The following DPYS variants were observed in gnomAD, a reference collection of about 807,000 sequenced individuals.
DPYS encodes dihydropyrimidinase, also known as dihydropyrimidine amidohydrolase.
Under a neutral mutation model 50.3 loss-of-function variants are expected in DPYS, and 39 were observed. That is an observed-to-expected ratio of 0.78 (90% confidence interval 0.60 to 1.01). The LOEUF (loss-of-function observed/expected upper bound fraction) is 1.01, where lower values mean the gene tolerates loss of function less well. Ranked by LOEUF, DPYS falls within the 50% of genes least tolerant of loss-of-function variation. DPYS has a pLI of 0.00. For missense variants in DPYS, 659 were observed against 680.9 expected (o/e 0.97, Z 0.36); for synonymous variants, 245 against 250.7 (o/e 0.98, Z 0.22).
intron 7 of DPYS, among the ~76,000 whole-genome samples, chr8:104,416,973 C>T (rs866039149): frequency 6.6e-6 from 1 of 152,064 alleles, no homozygotes; most frequent in South Asian, 2.1e-4. Flanking sequence ...TCATAAGCCG[C>T]AAGCCATTAC....
At position 104,420,168 on chromosome 8, in the gene DPYS, G is replaced by A. The variant is rs1054650635; in HGVS notation, c.1235+4079C>T. On this transcript the variant is annotated intron_variant, in intron 7 of 9. Transcript: ENST00000351513. Reference sequence around the variant, plus strand: ...GCTGCAAGGTGAGAAGAGGCAGACAGTGACGATGGTAGGGGTAGTGTCTAA... The same window carrying A: ...GCTGCAAGGTGAGAAGAGGCAGACAATGACGATGGTAGGGGTAGTGTCTAA... The A allele has an allele frequency of 3.3e-5, 5 of 152,350 alleles. No homozygotes were observed. In the East Asian group the frequency reaches 7.7e-4, roughly 24 times the overall value. The allele number at this position is 152,350 out of a possible 1,614,324, so 9.4% of individuals were successfully genotyped here.
Position 104,451,267 on chromosome 8 carries a change from T to C in DPYS, c.402A>G (p.Ala134=). 1 of 1,614,068 alleles carries C rather than the reference T, an allele frequency of 6.2e-7. No individual in the cohort carries two copies. The highest frequency in any genetic ancestry group is 8.5e-7 in the Non-Finnish European group (1 of 1,180,028). ...KVCCDYSLHV[A]VTWWSDQVKE... is the part of the protein sequence containing the mutation. ...TTACCTGGTCACTCCACCACGTCACTGCCACATGAAGGCTGTAGTCGCAGC... is the reference window on the plus strand; with the variant it reads ...TTACCTGGTCACTCCACCACGTCACCGCCACATGAAGGCTGTAGTCGCAGC... Residue 134 remains alanine, a synonymous_variant, in exon 2 of 10, where the codon GCA becomes GCG. Transcript: ENST00000351513.
At chr8:104,460,022 ATTCCTATATATGTATGTGAAT>A (rs1269263781) in intron 1 of DPYS, among the ~76,000 whole-genome samples, 3 of 152,036 alleles carry the variant, frequency 2.0e-5, no homozygotes, top group Non-Finnish European at 4.4e-5. Flanking sequence ...TTTTCTGTGA[ATTCCTATATATGTATGTGAAT>A]TTTTTTAATT....
At chr8:104,453,899 G>A (rs1380442256) in intron 1 of DPYS, among the ~76,000 whole-genome samples, 1 of 152,174 alleles carries the variant, frequency 6.6e-6, no homozygotes, top group Non-Finnish European at 1.5e-5. Flanking sequence ...TATGACATGG[G>A]TGAAGTTTGA....
intron 3 of DPYS, 117 bp from the exon 4 acceptor site, chr8:104,444,554 G>A: frequency 1.8e-6 from 2 of 1,081,858 alleles, no homozygotes; most frequent in Non-Finnish European, 2.7e-6. Flanking sequence ...GTATAGGGGT[G>A]TGTGTGTGTC....
chr8:104,451,292 C>A lies in DPYS; in HGVS notation c.377G>T (p.Cys126Phe). ...TGCCACATGAAGGCTGTAGTCGCAG[C>A]AAACTTTGGGATCAGCCCAGCTTCG... ...TWRSWADPKV[C>F]CDYSLHVAVT... The change falls in exon 2 of 10, where the codon TGC becomes TTC. Residue 126 changes from cysteine (C) to phenylalanine (F), a missense_variant. Transcript: ENST00000351513. The A allele has an allele frequency of 1.9e-6, 3 of 1,614,142 alleles. No individual in the cohort carries two copies. The highest frequency in any genetic ancestry group is 1.1e-5 in the South Asian group (1 of 91,088).
chr8:104,383,554 T>C (rs1394840385), intron 8 of DPYS, among the ~76,000 whole-genome samples: 1 of 151,530 alleles, frequency 6.6e-6, no homozygotes, highest in Non-Finnish European at 1.5e-5. Context: ...ACTCCGTTTC[T>C]GTCAGGCTCT....
chr8:104,426,793 T>A (rs2669419), intron 6 of DPYS, among the ~76,000 whole-genome samples: 141,258 of 152,310 alleles, frequency 0.93, 65,954 homozygotes, highest in Middle Eastern at 0.98. Flanking sequence ...TTCTCCGTCC[T>A]CAGGGAGAAG....
chr8:104,406,177 G>A (rs1420682376), intron 7 of DPYS, among the ~76,000 whole-genome samples: 1 of 152,160 alleles, frequency 6.6e-6, no homozygotes, highest in Non-Finnish European at 1.5e-5. Flanking sequence ...CTAAGAGGCT[G>A]TAAGCTCTGC....
chr8:104,402,117 G>A (rs1588411921), intron 7 of DPYS, among the ~76,000 whole-genome samples: 1 of 152,214 alleles, frequency 6.6e-6, no homozygotes, highest in South Asian at 2.1e-4. Context: ...GGATGGTGAT[G>A]TAGGTCATGG....
chr8:104,382,288 T>A (rs888666253), intron 8 of DPYS, among the ~76,000 whole-genome samples: 5 of 138,916 alleles, frequency 3.6e-5, no homozygotes, highest in Admixed American at 2.9e-4. Flanking sequence ...ATGGGGGGAC[T>A]CCTGCCCTTC....
chr8:104,405,681 T>C (rs1811972304), intron 7 of DPYS, among the ~76,000 whole-genome samples: 1 of 152,238 alleles, frequency 6.6e-6, no homozygotes, highest in Non-Finnish European at 1.5e-5. Flanking sequence ...CAGCTGGCGC[T>C]AATGTAGTCA....
chr8:104,393,015 A>G, intron 7 of DPYS, 24 bp from the exon 8 acceptor site: 4 of 1,609,112 alleles, frequency 2.5e-6, no homozygotes, highest in Non-Finnish European at 3.4e-6. Flanking sequence ...AACAACAAAA[A>G]AGTTCTGGAT....
In DPYS at chr8:104,429,547, A is replaced by G; in HGVS notation, c.948T>C (p.Ala316=). Residue 316 remains alanine, a splice_region_variant and synonymous_variant, in exon 5 of 10, where the codon GCT becomes GCC. Coordinates refer to ENST00000351513, the MANE Select transcript of DPYS (RefSeq NM_001385.3). ...CCAGTCATCTGCAAAATGATTACTT[A>G]GCCAACAGATTCATGAGGAAGTCGG... ...STPDFLMNLL[A]NDDLTTTGTD... The G allele has an allele frequency of 6.2e-7, 1 of 1,614,090 alleles. No individual in the cohort carries two copies. Among genetic ancestry groups the G allele is most frequent in the Non-Finnish European group, 8.5e-7 (1 of 1,179,962 alleles).
intron 7 of DPYS, among the ~76,000 whole-genome samples, chr8:104,421,987 TA>T (rs1199189092): frequency 2.6e-5 from 4 of 152,152 alleles, no homozygotes; most frequent in Non-Finnish European, 4.4e-5. Flanking sequence ...ATGTGGTAAA[TA>T]AAGCAAGTGA....
chr8:104,465,181 T>G (rs1814317963), intron 1 of DPYS, among the ~76,000 whole-genome samples: 1 of 150,620 alleles, frequency 6.6e-6, no homozygotes, highest in African/African-American at 2.5e-5. Context: ...CTGTCAGAAA[T>G]CAGTATATGA....
intron 7 of DPYS, among the ~76,000 whole-genome samples, chr8:104,412,841 T>C (rs557000280): frequency 6.6e-6 from 1 of 152,212 alleles, no homozygotes; most frequent in Non-Finnish European, 1.5e-5. Flanking sequence ...AGAATGGGAT[T>C]ATGCCTAATC....
At chr8:104,427,463 G>A in intron 6 of DPYS, among the ~76,000 whole-genome samples, 1 of 151,782 alleles carries the variant, frequency 6.6e-6, no homozygotes, top group East Asian at 2.0e-4. Context: ...ATTTTTAGTA[G>A]AGATGGGGTT....
Position 104,444,450 on chromosome 8 carries a change from C to A in DPYS, c.604-13G>T. The A allele has an allele frequency of 6.2e-7, 1 of 1,614,016 alleles. No individual in the cohort carries two copies. The highest frequency in any genetic ancestry group is 8.5e-7 in the Non-Finnish European group (1 of 1,179,978). On this transcript the variant is annotated splice_polypyrimidine_tract_variant and intron_variant, in intron 3 of 9. Transcript: ENST00000351513. ...TCTTCTTTGCTCCCTAAAAAGACAGCAGGAATGTGTATATGTGCAAGGAAG... is the reference window on the plus strand; with the variant it reads ...TCTTCTTTGCTCCCTAAAAAGACAGAAGGAATGTGTATATGTGCAAGGAAG...
Sources: gnomAD v4.1 joint callset for allele counts (sites outside exome capture counted in the v4.1 genomes callset) on GRCh38, gnomAD v4.1.1 for gene constraint, MANE v1.5 for transcripts, NCBI Gene and HGNC (gene_info 2026-07-23, HGNC 2026-07-21) for gene names.